BBS9: variants seen among roughly 807,000 people sequenced by gnomAD.
BBS9 encodes Bardet-Biedl syndrome 9.
BBS9 carries 89 observed loss-of-function variants against 117.7 expected under a neutral mutation model. That is an observed-to-expected ratio of 0.76 (90% CI 0.64 to 0.90). BBS9 has a LOEUF of 0.90. Among genes scored for constraint, BBS9 ranks in the 40% least tolerant of loss-of-function variants. The pLI is 0.00. For synonymous variants in BBS9, 379 were observed against 370.9 expected (o/e 1.02, Z -0.25); for missense variants, 982 against 1,042.2 (o/e 0.94, Z 0.80).
At chr7:33,595,132 G>A (rs765553311) in intron 21 of BBS9, among the ~76,000 whole-genome samples, 4 of 152,072 alleles carry the variant, frequency 2.6e-5, no homozygotes, top group Non-Finnish European at 4.4e-5. Context: ...CATAGGCATG[G>A]GCAAAGACTT....
At chr7:33,179,064 T>C (rs1797738101) in intron 5 of BBS9, among the ~76,000 whole-genome samples, 1 of 152,194 alleles carries the variant, frequency 6.6e-6, no homozygotes, top group Non-Finnish European at 1.5e-5. Flanking sequence ...AACTGATTTT[T>C]ACTGTTCTTT....
chr7:33,627,301 C>T (rs777062681), intron 21 of BBS9, among the ~76,000 whole-genome samples: 2 of 152,224 alleles, frequency 1.3e-5, no homozygotes, highest in Non-Finnish European at 2.9e-5. Context: ...AGAGTTGAGG[C>T]TTGGGAGCCT....
chr7:33,478,770 T>G (rs2128969262), intron 19 of BBS9, among the ~76,000 whole-genome samples: 1 of 152,246 alleles, frequency 6.6e-6, no homozygotes, highest in East Asian at 1.9e-4. Context: ...TTTTATTTTC[T>G]AACTGTTTGT....
rs2128667543 is a variant in BBS9 at position 33,351,260 on chromosome 7, A to T, written c.1474A>T (p.Lys492Ter). 6.2e-7 allele frequency: 1 copy of T among 1,613,306 alleles called. No homozygotes were observed. The highest frequency in any genetic ancestry group is 1.7e-5 in the Admixed American group (1 of 60,022). ...AACAGTAAGCTTTTCTGTTTATCTG[A>T]AAAGAAGTTATACACCATCAGAATT... Reference protein sequence around the residue: ...TRTVSFSVYLKRSYTPSELEG... With the variant: ...TRTVSFSVYL Residue 492 changes from lysine to a stop codon, truncating the protein, a stop_gained, in exon 14 of 23, where the codon AAA becomes TAA. Coordinates refer to ENST00000242067, the MANE Select transcript of BBS9 (RefSeq NM_198428.3). LOFTEE classifies it high-confidence loss of function.
intron 21 of BBS9, among the ~76,000 whole-genome samples, chr7:33,630,422 A>G (rs1865835232): frequency 6.6e-6 from 1 of 152,146 alleles, no homozygotes; most frequent in African/African-American, 2.4e-5. Flanking sequence ...AAACTCCTAT[A>G]ATTATGGTTC....
intron 19 of BBS9, among the ~76,000 whole-genome samples, chr7:33,473,716 T>G (rs1036744254): frequency 6.6e-6 from 1 of 152,188 alleles, no homozygotes; most frequent in African/African-American, 2.4e-5. Flanking sequence ...ATTTTCATAC[T>G]CTTGACTTTG....
intron 5 of BBS9, among the ~76,000 whole-genome samples, chr7:33,202,747 C>T (rs1786107875): frequency 6.6e-6 from 1 of 152,292 alleles, no homozygotes; most frequent in East Asian, 1.9e-4. Flanking sequence ...ATCCAGTTAC[C>T]TCCCACCAGG....
intron 21 of BBS9, among the ~76,000 whole-genome samples, chr7:33,538,367 G>C (rs1314104850): frequency 6.6e-6 from 1 of 152,196 alleles, no homozygotes; most frequent in African/African-American, 2.4e-5. Flanking sequence ...CATCTTTATT[G>C]TATTAAGTGG....
chr7:33,501,918 CT>C (rs35871405), intron 19 of BBS9, among the ~76,000 whole-genome samples: 231 of 147,776 alleles, frequency 1.6e-3, no homozygotes, highest in African/African-American at 5.0e-3. Context: ...AATATCTATT[CT>C]TTTTTTTTTT....
chr7:33,425,300 A>G (rs1833494291), intron 19 of BBS9, among the ~76,000 whole-genome samples: 1 of 152,158 alleles, frequency 6.6e-6, no homozygotes, highest in Non-Finnish European at 1.5e-5. Flanking sequence ...ATCATTACTT[A>G]TTTTAAAGTA....
rs894796851 is a variant in BBS9 at position 33,633,510 on chromosome 7, C to CTTT, written c.2522-1649_2522-1647dup. Among the ~76,000 whole-genome samples, 4 of 98,458 alleles carry CTTT rather than the reference C, an allele frequency of 4.1e-5. No individual in the cohort carries two copies. The South Asian group carries it at 1.3e-3, about 31-fold the overall frequency. The allele number at this position is 98,458 out of a possible 152,430, so 64.6% of individuals were successfully genotyped here. On this transcript the variant is annotated intron_variant, in intron 21 of 21. Transcript: ENST00000671952. The stretch of plus-strand genomic sequence containing the variant: ...TGAAGTTGGTAAAGTTAACTTTTTT[C>CTTT]TTTTTTTTTTTTTTTTTTTTGAGAT...
intron 17 of BBS9, among the ~76,000 whole-genome samples, chr7:33,370,209 A>G (rs1033012004): frequency 1.3e-5 from 2 of 151,990 alleles, no homozygotes; most frequent in Non-Finnish European, 2.9e-5. Context: ...TTTAATCCCA[A>G]CACTTTGGGA....
chr7:33,598,964 C>T (rs1186040463), intron 21 of BBS9, among the ~76,000 whole-genome samples: 1 of 152,184 alleles, frequency 6.6e-6, no homozygotes, highest in Non-Finnish European at 1.5e-5. Flanking sequence ...TGGAACACAG[C>T]CAGTGCTCAT....
intron 9 of BBS9, among the ~76,000 whole-genome samples, chr7:33,328,709 A>G (rs1298085557): frequency 6.6e-6 from 1 of 152,222 alleles, no homozygotes; most frequent in Non-Finnish European, 1.5e-5. Flanking sequence ...AAACAAGAGA[A>G]CATTAGGTCC....
intron 9 of BBS9, chr7:33,276,731 A>G (rs1042111997): frequency 1.3e-5 from 2 of 152,286 alleles, no homozygotes; most frequent in Non-Finnish European, 2.9e-5. Context: ...TCAAGGCTCT[A>G]TCCTGGGTAT....
At chr7:33,254,267 A>G (rs778613483) in intron 5 of BBS9, among the ~76,000 whole-genome samples, 3 of 152,144 alleles carry the variant, frequency 2.0e-5, no homozygotes, top group Non-Finnish European at 4.4e-5. Flanking sequence ...AGGTAATAAT[A>G]ACCCTCTTAA....
Position 33,327,992 on chromosome 7 carries a change from G to A in BBS9, c.1017-8449G>A, listed in dbSNP as rs148961620. Among the ~76,000 whole-genome samples the A allele has an allele frequency of 9.0e-4, 137 of 152,288 alleles. 1 individual carries two copies. The highest frequency in any genetic ancestry group is 3.2e-3 in the African/African-American group (134 of 41,574). ...AGGAACTCATGGGTAGCCATGTTGA[G>A]CTTTAGATGTCTATTGGCCTTCTAA... On this transcript the variant is annotated intron_variant, in intron 9 of 22. Transcript: ENST00000242067.
intron 21 of BBS9, among the ~76,000 whole-genome samples, chr7:33,550,315 A>G (rs1272907244): frequency 6.6e-6 from 1 of 151,998 alleles, no homozygotes; most frequent in Non-Finnish European, 1.5e-5. Flanking sequence ...TAGGGTGCCT[A>G]GATAAAGTAT....
At chr7:33,247,286 C>T (rs1562871764) in intron 5 of BBS9, among the ~76,000 whole-genome samples, 1 of 152,078 alleles carries the variant, frequency 6.6e-6, no homozygotes, top group African/African-American at 2.4e-5. Context: ...ATCCTTATTG[C>T]AGTATCATGT....
Sources: allele counts gnomAD v4.1 joint callset (sites outside exome capture counted in the v4.1 genomes callset), GRCh38; gene constraint gnomAD v4.1.1; transcripts MANE v1.5; gene names NCBI Gene and HGNC (gene_info 2026-07-23, HGNC 2026-07-21).